SLC15A5: variants seen among roughly 807,000 people sequenced by gnomAD.
SLC15A5 encodes the protein solute carrier family 15 member 5.
SLC15A5 carries 58 observed loss-of-function variants against 56.1 expected under a neutral mutation model. That is an observed-to-expected ratio of 1.03 (90% confidence interval 0.84 to 1.29). The LOEUF (loss-of-function observed/expected upper bound fraction) is 1.29, where lower values mean the gene tolerates loss of function less well. Ranked by LOEUF, SLC15A5 falls within the 50% of genes most tolerant of loss-of-function variation. SLC15A5 has a pLI of 0.00. For missense variants in SLC15A5, 681 were observed against 672.1 expected (o/e 1.01, Z -0.15); for synonymous variants, 264 against 250.5 (o/e 1.05, Z -0.51).
intron 2 of SLC15A5, among the ~76,000 whole-genome samples, chr12:16,268,845 C>T (rs1325993676): frequency 6.6e-6 from 1 of 152,054 alleles, no homozygotes; most frequent in African/African-American, 2.4e-5. Context: ...TTTCTGTCCC[C>T]TCAAATTTCA....
Position 16,244,474 on chromosome 12 carries a change from G to A in SLC15A5, c.975+106C>T, listed in dbSNP as rs148786761. On this transcript the variant is annotated intron_variant, in intron 4 of 8. Coordinates refer to ENST00000344941, the MANE Select transcript of SLC15A5 (RefSeq NM_001170798.1). The stretch of plus-strand genomic sequence containing the variant: ...GTTTCTGTGGGGATAACTGCCTGCC[G>A]ACATATATGGAAAGCGCTCGTTGGG... 1,588 of 996,204 alleles carry A rather than the reference G, an allele frequency of 1.6e-3. 2 individuals carry two copies. The highest frequency in any genetic ancestry group is 2.1e-3 in the Non-Finnish European group (1,432 of 669,886). The allele number at this position is 996,204 out of a possible 1,614,324, so 61.7% of individuals were successfully genotyped here.
At chr12:16,219,701 T>C (rs2136247512) in intron 6 of SLC15A5, among the ~76,000 whole-genome samples, 1 of 152,266 alleles carries the variant, frequency 6.6e-6, no homozygotes, top group South Asian at 2.1e-4. Context: ...ATCTTCATTT[T>C]TAGGCATCTA....
intron 3 of SLC15A5, among the ~76,000 whole-genome samples, chr12:16,256,323 T>C (rs1481665752): frequency 6.6e-6 from 1 of 152,158 alleles, no homozygotes; most frequent in Non-Finnish European, 1.5e-5. Context: ...AATAAAATAT[T>C]GGATTTGGGC....
chr12:16,225,428 G>T (rs995900978), intron 5 of SLC15A5, among the ~76,000 whole-genome samples: 1 of 152,122 alleles, frequency 6.6e-6, no homozygotes, highest in Admixed American at 6.5e-5. Flanking sequence ...CAAAAGCAAT[G>T]GCAACAAAAG....
At chr12:16,250,011 C>G (rs1346095607) in intron 3 of SLC15A5, among the ~76,000 whole-genome samples, 1 of 151,986 alleles carries the variant, frequency 6.6e-6, no homozygotes, top group Non-Finnish European at 1.5e-5. Context: ...ACAGAGCTCT[C>G]AGAAACAGGG....
intron 3 of SLC15A5, among the ~76,000 whole-genome samples, chr12:16,255,063 A>G (rs1183293707): frequency 6.6e-6 from 1 of 152,140 alleles, no homozygotes; most frequent in African/African-American, 2.4e-5. Context: ...TGATTACTAT[A>G]CCTTATATGT....
rs1244312481 is a variant in SLC15A5 at position 16,235,274 on chromosome 12, A to ATATG, written c.1162+4406_1162+4407insCATA. On this transcript the variant is annotated intron_variant, in intron 5 of 8. Coordinates refer to ENST00000344941, the MANE Select transcript of SLC15A5 (RefSeq NM_001170798.1). This position sits in a 1 kb window ranked among gnomAD's most constrained non-coding sequence, Gnocchi z 4.1. ...TATATGTGTATATATATGTATATGT[A>ATATG]TATATATGTATATATGTATATGTAT... 0.024 allele frequency among the ~76,000 whole-genome samples: 2,995 copies of ATATG among 126,514 alleles called. 98 individuals are homozygous for ATATG. Among genetic ancestry groups the ATATG allele is most frequent in the African/African-American group, 0.077 (2,746 of 35,690 alleles). The allele number at this position is 126,514 out of a possible 152,430, so 83.0% of individuals were successfully genotyped here. A position where few individuals can be genotyped will look rare whatever the true frequency, so the allele number is the denominator to read the frequency against.
At chr12:16,244,259 G>A (rs1864440152) in intron 4 of SLC15A5, among the ~76,000 whole-genome samples, 1 of 152,170 alleles carries the variant, frequency 6.6e-6, no homozygotes, top group African/African-American at 2.4e-5. Context: ...GGGAAGTTTG[G>A]TAATTGCCTA....
rs1246427885 is a variant in SLC15A5 at position 16,189,158 on chromosome 12, A to G, written c.*510T>C. 2.6e-5 allele frequency: 4 copies of G among 152,158 alleles called. No individual in the cohort carries two copies. In the East Asian group the frequency reaches 5.8e-4, roughly 22 times the overall value. The allele number at this position is 152,158 out of a possible 1,614,324, so 9.4% of individuals were successfully genotyped here. Reference sequence around the variant, plus strand: ...ATGTCCTTAATGAAGTCATATTTTGATAGCATAATATTAACAGCAAATATA... The same window carrying G: ...ATGTCCTTAATGAAGTCATATTTTGGTAGCATAATATTAACAGCAAATATA... On this transcript the variant is annotated 3_prime_UTR_variant, in exon 9 of 9. Coordinates refer to ENST00000344941, the MANE Select transcript of SLC15A5 (RefSeq NM_001170798.1).
intron 3 of SLC15A5, among the ~76,000 whole-genome samples, chr12:16,252,956 A>C (rs2136801022): frequency 6.6e-6 from 1 of 152,278 alleles, no homozygotes; most frequent in African/African-American, 2.4e-5. Context: ...AGACCAATGG[A>C]ACAGAGTAGA....
intron 3 of SLC15A5, among the ~76,000 whole-genome samples, chr12:16,246,766 G>A (rs2136792889): frequency 1.3e-5 from 2 of 151,874 alleles, no homozygotes; most frequent in East Asian, 1.9e-4. Context: ...ATCACTATTT[G>A]TTGCAAGATA....
intron 3 of SLC15A5, among the ~76,000 whole-genome samples, chr12:16,245,083 TTA>T (rs1864449630): frequency 6.6e-6 from 1 of 152,190 alleles, no homozygotes; most frequent in Non-Finnish European, 1.5e-5. Flanking sequence ...TACGCCAAAG[TTA>T]AGGACTTCAG....
rs1209471781 is a variant in SLC15A5 at position 16,235,266 on chromosome 12, GTATATGTA to G, written c.1162+4407_1162+4414del. Among the ~76,000 whole-genome samples the G allele has an allele frequency of 6.8e-6, 1 of 146,848 alleles. No individual in the cohort carries two copies. Among genetic ancestry groups the G allele is most frequent in the African/African-American group, 2.5e-5 (1 of 40,252 alleles). On this transcript the variant is annotated intron_variant, in intron 5 of 8. Coordinates refer to ENST00000344941, the MANE Select transcript of SLC15A5 (RefSeq NM_001170798.1). The surrounding 1 kb of genome is among the most constrained non-coding windows in gnomAD (Gnocchi z 4.1). ...TATAAGTATATATGTGTATATATAT[GTATATGTA>G]TATATATGTATATATGTATATGTAT...
intron 7 of SLC15A5, among the ~76,000 whole-genome samples, chr12:16,210,793 T>C (rs935006369): frequency 1.2e-4 from 18 of 152,244 alleles, no homozygotes; most frequent in African/African-American, 4.3e-4. Flanking sequence ...GGACTGTTGC[T>C]TTCCATAGTC....
intron 7 of SLC15A5, among the ~76,000 whole-genome samples, chr12:16,214,285 T>C (rs866243142): frequency 2.6e-5 from 4 of 152,238 alleles, no homozygotes; most frequent in Non-Finnish European, 2.9e-5. Flanking sequence ...GACTGATTCC[T>C]GGGAGGTAAT....
chr12:16,218,679 A>T (rs1176093351), intron 6 of SLC15A5, among the ~76,000 whole-genome samples: 1 of 152,140 alleles, frequency 6.6e-6, no homozygotes. Flanking sequence ...ATATGATACT[A>T]TAATCTTATG....
chr12:16,222,818 T>C (rs1864200921), intron 6 of SLC15A5, among the ~76,000 whole-genome samples: 1 of 152,222 alleles, frequency 6.6e-6, no homozygotes. Context: ...TACTCATTAT[T>C]TACTCTATAC....
intron 7 of SLC15A5, among the ~76,000 whole-genome samples, chr12:16,215,778 G>A (rs1056313700): frequency 1.3e-5 from 2 of 152,180 alleles, no homozygotes; most frequent in African/African-American, 4.8e-5. Flanking sequence ...CGTCAGTCAA[G>A]GATTAGTAGG....
Position 16,243,223 on chromosome 12 carries a change from T to C in SLC15A5, c.975+1357A>G, listed in dbSNP as rs1482248374. ...TTCTTTGCTTTTTCTCTTTTTTTTT[T>C]TTTTGAGATGGAGTTTCATTCTTGT... On this transcript the variant is annotated intron_variant, in intron 4 of 8. Coordinates refer to ENST00000344941, the MANE Select transcript of SLC15A5 (RefSeq NM_001170798.1). This position sits in a 1 kb window ranked among gnomAD's most constrained non-coding sequence, Gnocchi z 4.4. 2.0e-5 allele frequency among the ~76,000 whole-genome samples: 3 copies of C among 151,734 alleles called. No individual in the cohort carries two copies. The highest frequency in any genetic ancestry group is 4.4e-5 in the Non-Finnish European group (3 of 67,942).
Sources: gnomAD v4.1 joint callset for allele counts (sites outside exome capture counted in the v4.1 genomes callset) on GRCh38, gnomAD v4.1.1 for gene constraint, Gnocchi (gnomAD v3.1) non-coding constraint, MANE v1.5 for transcripts, NCBI Gene and HGNC (gene_info 2026-07-23, HGNC 2026-07-21) for gene names.